The following NTNG1 variants were observed in gnomAD, a reference collection of about 807,000 sequenced individuals.
NTNG1 encodes the protein netrin G1.
Under a neutral mutation model 54.0 loss-of-function variants are expected in NTNG1, and 16 were observed. The observed-to-expected ratio is 0.30, with a 90% CI of 0.20 to 0.45. The LOEUF (loss-of-function observed/expected upper bound fraction) is 0.45, where lower values mean the gene tolerates loss of function less well. Among genes scored for constraint, NTNG1 ranks in the 20% least tolerant of loss-of-function variants. The probability of loss-of-function intolerance (pLI) is 1.00; values close to 1 mark genes in which losing one functional copy is unlikely to be tolerated. For missense variants in NTNG1, 530 were observed against 678.7 expected, an observed-to-expected ratio of 0.78 and a Z score of 2.43; for synonymous variants, 255 against 263.1, an observed-to-expected ratio of 0.97 and a Z score of 0.30.
At chr1:107,347,483 C>G (rs1050199333) in intron 3 of NTNG1, among the ~76,000 whole-genome samples, 1 of 152,080 alleles carries the variant, frequency 6.6e-6, no homozygotes. Flanking sequence ...CCACTGCATT[C>G]CAATTTGGTC....
chr1:107,262,037 C>A (rs1361461405), intron 2 of NTNG1, among the ~76,000 whole-genome samples: 3 of 152,158 alleles, frequency 2.0e-5, no homozygotes, highest in African/African-American at 7.2e-5. Flanking sequence ...AAAATAACCA[C>A]AAAACAAGAA....
At position 107,324,294 on chromosome 1, in the gene NTNG1, A is replaced by C; in HGVS notation, c.259A>C (p.Met87Leu). The C allele has an allele frequency of 6.2e-7, 1 of 1,613,288 alleles. No individual in the cohort carries two copies. The part of the protein sequence containing the change: ...ETFCAMGNPY[M>L]CNNECDASTP... Reference sequence around the variant, plus strand: ...TCTTCTTCCATAGGGCAATCCCTACATGTGCAATAATGAGTGTGATGCGAG... The same window carrying C: ...TCTTCTTCCATAGGGCAATCCCTACCTGTGCAATAATGAGTGTGATGCGAG... The change falls in exon 3 of 8, where the codon ATG (methionine) becomes CTG (leucine). Residue 87 changes from methionine (M) to leucine (L), a missense_variant. Met to Leu is a conservative substitution (Grantham distance 15, BLOSUM62 2). This residue lies in a region of NTNG1 where 318 missense variants were observed against 465.1 expected (regional missense o/e 0.68). Coordinates refer to ENST00000370068, the MANE Select transcript of NTNG1 (RefSeq NM_001113226.3).
At chr1:107,320,673 T>C (rs1034543199) in intron 2 of NTNG1, among the ~76,000 whole-genome samples, 5 of 151,348 alleles carry the variant, frequency 3.3e-5, no homozygotes, top group African/African-American at 1.2e-4. Flanking sequence ...TTTTTTTTTT[T>C]TTTTCCTTTC....
intron 3 of NTNG1, among the ~76,000 whole-genome samples, chr1:107,388,287 A>G (rs1211297931): frequency 6.6e-6 from 1 of 152,194 alleles, no homozygotes; most frequent in Non-Finnish European, 1.5e-5. Flanking sequence ...GCTTACATGC[A>G]TCATCTGGTT....
intron 3 of NTNG1, among the ~76,000 whole-genome samples, chr1:107,343,339 T>G (rs781048360): frequency 6.6e-6 from 1 of 152,124 alleles, no homozygotes; most frequent in Non-Finnish European, 1.5e-5. Context: ...TTAACATCCA[T>G]TGGAAGTGTG....
At chr1:107,362,703 T>G (rs1260612575) in intron 3 of NTNG1, among the ~76,000 whole-genome samples, 2 of 152,212 alleles carry the variant, frequency 1.3e-5, no homozygotes, top group African/African-American at 4.8e-5. Flanking sequence ...AATCCAGAGT[T>G]GCTGTGAAAC....
chr1:107,293,153 CA>C (rs888697142), intron 2 of NTNG1, among the ~76,000 whole-genome samples: 9 of 151,922 alleles, frequency 5.9e-5, no homozygotes, highest in Admixed American at 5.9e-4. Context: ...AAAATGTAAC[CA>C]AAAATAAGTG....
At chr1:107,281,240 A>C (rs1336352871) in intron 2 of NTNG1, among the ~76,000 whole-genome samples, 1 of 152,144 alleles carries the variant, frequency 6.6e-6, no homozygotes, top group Middle Eastern at 3.2e-3. Context: ...ATGTACATAT[A>C]AAACACTGTT....
intron 4 of NTNG1, among the ~76,000 whole-genome samples, chr1:107,404,894 T>C (rs1271046933): frequency 1.3e-5 from 2 of 152,194 alleles, no homozygotes; most frequent in African/African-American, 4.8e-5. Context: ...GCTAAAAAAC[T>C]GCCAACATGT....
rs375777741 is a variant in NTNG1 at position 107,407,896 on chromosome 1, G to T, written c.1087+188G>T. 6 of 744,162 alleles carry T rather than the reference G, an allele frequency of 8.1e-6. No individual in the cohort carries two copies. In the African/African-American group the frequency reaches 8.5e-5, roughly 11 times the overall value. 46.1% of individuals were successfully genotyped at this position (744,162 alleles called of 1,614,324 possible). ...GAGAACACAGATAAAGTGATTATTT[G>T]TGCATAACTCCATGAACATGGCAGT... is the stretch of plus-strand genomic sequence containing the variant. On this transcript the variant is annotated intron_variant, in intron 5 of 7. Coordinates refer to ENST00000370068, the MANE Select transcript of NTNG1 (RefSeq NM_001113226.3).
intron 2 of NTNG1, among the ~76,000 whole-genome samples, chr1:107,266,097 G>T (rs540599788): frequency 6.6e-6 from 1 of 151,990 alleles, no homozygotes; most frequent in East Asian, 1.9e-4. Context: ...CTTTTTCCTG[G>T]AATGTGAAAT....
chr1:107,469,705 C>A (rs761362397), intron 7 of NTNG1, among the ~76,000 whole-genome samples: 2 of 152,088 alleles, frequency 1.3e-5, no homozygotes, highest in African/African-American at 2.4e-5. Context: ...CCTCCTGCCT[C>A]GGCCTCTCAA....
rs532572640 is a variant in NTNG1, at chr1:107,242,686, G to C, written c.247-81596G>C. ...GTTGCTGTATTTTTATATAGAAAAT[G>C]AATAGGAAGACTTGCTTTGCTGCAG... On this transcript the variant is annotated intron_variant, in intron 2 of 7. Transcript: ENST00000370068. Among the ~76,000 whole-genome samples the C allele has an allele frequency of 1.1e-3, 175 of 152,246 alleles. 1 individual carries two copies. Among genetic ancestry groups the C allele is most frequent in the African/African-American group, 4.0e-3 (165 of 41,544 alleles).
intron 7 of NTNG1, among the ~76,000 whole-genome samples, chr1:107,442,841 G>A (rs1176915160): frequency 6.6e-6 from 1 of 151,920 alleles, no homozygotes; most frequent in Non-Finnish European, 1.5e-5. Flanking sequence ...ACAGATGTCA[G>A]CCAGTGTTTG....
intron 7 of NTNG1, among the ~76,000 whole-genome samples, chr1:107,446,969 G>A (rs1008578561): frequency 6.6e-6 from 1 of 152,054 alleles, no homozygotes; most frequent in Admixed American, 6.6e-5. Context: ...AGATCATCCA[G>A]ACACTGCTGG....
At chr1:107,261,641 A>T (rs1223568782) in intron 2 of NTNG1, among the ~76,000 whole-genome samples, 1 of 152,208 alleles carries the variant, frequency 6.6e-6, no homozygotes, top group African/African-American at 2.4e-5. Context: ...CAGGAGATCG[A>T]GACCATCCTG....
intron 4 of NTNG1, among the ~76,000 whole-genome samples, chr1:107,406,435 T>A (rs978943246): frequency 1.3e-5 from 2 of 152,196 alleles, no homozygotes; most frequent in Non-Finnish European, 2.9e-5. Flanking sequence ...TTATGGATTA[T>A]CTCATTCGAT....
At position 107,204,801 on chromosome 1, in the gene NTNG1, C is replaced by T. The variant is rs113780483; in HGVS notation, c.246+55962C>T. ...GTTTCCCTGCCTCCTACCCGCACCC[C>T]TGCAATCTCTGTACATACCCTTCTT... On this transcript the variant is annotated intron_variant, in intron 2 of 7. Transcript: ENST00000370068. Among the ~76,000 whole-genome samples the T allele has an allele frequency of 9.1e-4, 138 of 152,234 alleles. 1 individual carries two copies. The highest frequency in any genetic ancestry group is 3.1e-3 in the African/African-American group (128 of 41,554).
At chr1:107,192,015 G>A (rs949466191) in intron 2 of NTNG1, among the ~76,000 whole-genome samples, 6 of 152,108 alleles carry the variant, frequency 3.9e-5, no homozygotes, top group African/African-American at 1.4e-4. Flanking sequence ...AAATTACCTT[G>A]GGCAGTATGG....
Sources: allele counts gnomAD v4.1 joint callset (sites outside exome capture counted in the v4.1 genomes callset), GRCh38; gene constraint gnomAD v4.1.1; regional missense constraint gnomAD v4.1.1; transcripts MANE v1.5; gene names NCBI Gene and HGNC (gene_info 2026-07-23, HGNC 2026-07-21).